The following PKIA variants were observed in gnomAD, a reference collection of about 807,000 sequenced individuals.
PKIA encodes the protein PKI-alpha.
A neutral mutation model predicts 7.6 loss-of-function variants in PKIA; 4 were observed. The ratio of observed to expected loss-of-function variants is 0.52; its 90% CI spans 0.26 to 1.20. The LOEUF is 1.20. PKIA is among the 50% of genes most tolerant of loss of function. The probability of loss-of-function intolerance (pLI) is 0.13; values close to 1 mark genes in which losing one functional copy is unlikely to be tolerated. For missense variants in PKIA, 73 were observed against 86.2 expected, an observed-to-expected ratio of 0.85 and a Z score of 0.61; for synonymous variants, 21 against 30.7, an observed-to-expected ratio of 0.68 and a Z score of 1.04.
At chr8:78,527,750 A>G (rs1356554127) in intron 1 of PKIA, among the ~76,000 whole-genome samples, 1 of 152,086 alleles carries the variant, frequency 6.6e-6, no homozygotes, top group Non-Finnish European at 1.5e-5. Flanking sequence ...GAACAACAAT[A>G]TAGTTGCCTT....
intron 1 of PKIA, among the ~76,000 whole-genome samples, chr8:78,521,026 A>C (rs1029167631): frequency 2.0e-5 from 3 of 152,078 alleles, no homozygotes; most frequent in Non-Finnish European, 4.4e-5. Flanking sequence ...GACTCAAAGA[A>C]CCTTGATTCA....
intron 2 of PKIA, among the ~76,000 whole-genome samples, chr8:78,574,677 T>C (rs1807632811): frequency 6.6e-6 from 1 of 152,030 alleles, no homozygotes; most frequent in Non-Finnish European, 1.5e-5. Flanking sequence ...ATTATTTTAT[T>C]ATTTTATCAA....
At chr8:78,571,023 G>T (rs1252389987) in intron 1 of PKIA, among the ~76,000 whole-genome samples, 1 of 151,992 alleles carries the variant, frequency 6.6e-6, no homozygotes, top group Admixed American at 6.6e-5. Context: ...AATTCTTGAT[G>T]CTAAGATAAT....
chr8:78,561,130 T>C (rs540205911), intron 1 of PKIA, among the ~76,000 whole-genome samples: 1 of 152,296 alleles, frequency 6.6e-6, no homozygotes, highest in East Asian at 1.9e-4. Context: ...GAATTTGCCT[T>C]CCTCTGAGAT....
chr8:78,595,570 C>T (rs1009384173), intron 2 of PKIA, among the ~76,000 whole-genome samples: 4 of 152,022 alleles, frequency 2.6e-5, no homozygotes, highest in Non-Finnish European at 4.4e-5. Flanking sequence ...GTTTTTTGAT[C>T]CTCACCCTCC....
Position 78,570,895 on chromosome 8 carries a change from T to C in PKIA, c.-156-1916T>C, listed in dbSNP as rs536456221. Among the ~76,000 whole-genome samples, 4 of 152,284 alleles carry C rather than the reference T, an allele frequency of 2.6e-5. No homozygotes were observed. In the East Asian group the frequency reaches 5.8e-4, roughly 22 times the overall value. On this transcript the variant is annotated intron_variant, in intron 1 of 3. Transcript: ENST00000396418. ...CACATCCATCTCCAGTATTGCCTTC[T>C]ATAGGAAGACCTGCTAATATTTCTC...
At chr8:78,553,560 C>T (rs1243352916) in intron 1 of PKIA, among the ~76,000 whole-genome samples, 1 of 151,982 alleles carries the variant, frequency 6.6e-6, no homozygotes, top group Non-Finnish European at 1.5e-5. Context: ...TTTACCAACA[C>T]TGTTAGAATA....
intron 2 of PKIA, among the ~76,000 whole-genome samples, chr8:78,594,428 T>G (rs933552086): frequency 6.6e-6 from 1 of 151,958 alleles, no homozygotes; most frequent in African/African-American, 2.4e-5. Context: ...GCTAAAAAAT[T>G]CAGAATGTGT....
chr8:78,537,591 A>AC (rs1043010541), intron 1 of PKIA, among the ~76,000 whole-genome samples: 8 of 58,180 alleles, frequency 1.4e-4, no homozygotes, highest in African/African-American at 5.6e-4. Flanking sequence ...TCTCCGTCCC[A>AC]CCCCCCACCG....
At chr8:78,517,548 A>C (rs1488680053) in intron 1 of PKIA, among the ~76,000 whole-genome samples, 2 of 152,198 alleles carry the variant, frequency 1.3e-5, no homozygotes, top group Admixed American at 6.5e-5. Context: ...AGGATTCCTC[A>C]AGAACCTCAA....
intron 2 of PKIA, among the ~76,000 whole-genome samples, chr8:78,587,066 T>C (rs923731805): frequency 5.3e-5 from 8 of 152,340 alleles, no homozygotes; most frequent in African/African-American, 1.7e-4. Context: ...AAAATATTAC[T>C]GAGCTTGATT....
chr8:78,593,993 C>A (rs1289176351), intron 2 of PKIA, among the ~76,000 whole-genome samples: 1 of 152,180 alleles, frequency 6.6e-6, no homozygotes, highest in Non-Finnish European at 1.5e-5. Flanking sequence ...TTCTATTTAA[C>A]ATATTCTTAT....
chr8:78,567,430 G>C (rs961865392), intron 1 of PKIA, among the ~76,000 whole-genome samples: 1 of 151,934 alleles, frequency 6.6e-6, no homozygotes, highest in Admixed American at 6.6e-5. Context: ...TACTGGACAG[G>C]TATTTTGTAC....
intron 1 of PKIA, among the ~76,000 whole-genome samples, chr8:78,531,563 G>A (rs2118363206): frequency 6.6e-6 from 1 of 152,182 alleles, no homozygotes; most frequent in South Asian, 2.1e-4. Flanking sequence ...GCCCTAAAAG[G>A]TAGGCATTAT....
At chr8:78,550,494 G>A (rs371404712) in intron 1 of PKIA, among the ~76,000 whole-genome samples, 1 of 151,936 alleles carries the variant, frequency 6.6e-6, no homozygotes, top group Non-Finnish European at 1.5e-5. Context: ...GAAACCTGCC[G>A]GCAGTTCATC....
chr8:78,528,845 T>G (rs1361956147), intron 1 of PKIA, among the ~76,000 whole-genome samples: 2 of 151,920 alleles, frequency 1.3e-5, no homozygotes, highest in Non-Finnish European at 2.9e-5. Flanking sequence ...CACAAATATT[T>G]GTGACATTTC....
chr8:78,587,592 G>T (rs1036379979), intron 2 of PKIA, among the ~76,000 whole-genome samples: 2 of 152,096 alleles, frequency 1.3e-5, no homozygotes, highest in African/African-American at 4.8e-5. Flanking sequence ...GATATAAAAA[G>T]CCCTAGCAAA....
At chr8:78,573,978 C>T (rs1807616128) in intron 2 of PKIA, among the ~76,000 whole-genome samples, 1 of 152,016 alleles carries the variant, frequency 6.6e-6, no homozygotes, top group South Asian at 2.1e-4. Context: ...TTTTCTAGTT[C>T]TGAGACTGCT....
At chr8:78,554,093 A>G (rs953912498) in intron 1 of PKIA, among the ~76,000 whole-genome samples, 4 of 152,064 alleles carry the variant, frequency 2.6e-5, no homozygotes, top group African/African-American at 9.7e-5. Context: ...AAGATGTTAG[A>G]AGGAGCAAGT....
Sources: allele counts gnomAD v4.1 joint callset (sites outside exome capture counted in the v4.1 genomes callset), GRCh38; gene constraint gnomAD v4.1.1; transcripts MANE v1.5; gene names NCBI Gene and HGNC (gene_info 2026-07-23, HGNC 2026-07-21).